Variants in NLGN4X observed in about 807,000 individuals in gnomAD.
The protein encoded by NLGN4X is neuroligin 4 X-linked.
Under a neutral mutation model 40.3 loss-of-function variants are expected in NLGN4X, and 3 were observed. The ratio of observed to expected loss-of-function variants is 0.07; its 90% CI spans 0.03 to 0.19. The LOEUF (loss-of-function observed/expected upper bound fraction) is 0.19, where lower values mean the gene tolerates loss of function less well. Among genes scored for constraint, NLGN4X ranks in the 10% least tolerant of loss-of-function variants. The pLI is 1.00. For missense variants in NLGN4X, 382 were observed against 708.3 expected (o/e 0.54, Z 5.23); for synonymous variants, 270 against 306.8 (o/e 0.88, Z 1.25).
At chrX:6,063,160 C>G (rs181287193) in intron 2 of NLGN4X, among the ~76,000 whole-genome samples, 38 of 111,811 alleles carry the variant, frequency 3.4e-4, no homozygotes, top group Non-Finnish European at 6.0e-4. Flanking sequence ...TTCTTCACAG[C>G]ACTCATCACC....
chrX:5,968,826 C>T (rs111259359), intron 3 of NLGN4X, among the ~76,000 whole-genome samples: 37 of 109,194 alleles, frequency 3.4e-4, no homozygotes, highest in African/African-American at 1.2e-3. Context: ...TGTTCAATGT[C>T]TCCCCCACCT....
intron 1 of NLGN4X, among the ~76,000 whole-genome samples, chrX:6,166,365 G>T (rs1444221422): frequency 9.0e-6 from 1 of 111,645 alleles, no homozygotes; most frequent in African/African-American, 3.3e-5. Context: ...CCAAATGCTG[G>T]TGTTTACAGG....
chrX:6,115,543 A>C (rs1001598570), intron 2 of NLGN4X, among the ~76,000 whole-genome samples: 1 of 111,893 alleles, frequency 8.9e-6, no homozygotes, highest in East Asian at 2.8e-4. Context: ...ACGAGAAGGT[A>C]AAGTTGGCAT....
intron 1 of NLGN4X, among the ~76,000 whole-genome samples, chrX:6,185,290 C>G (rs1347082316): frequency 8.9e-6 from 1 of 111,972 alleles, no homozygotes; most frequent in Non-Finnish European, 1.9e-5. Context: ...CCCATCACCC[C>G]ATGTCACACT....
At chrX:6,154,253 C>A (rs974488671) in intron 1 of NLGN4X, among the ~76,000 whole-genome samples, 3 of 111,937 alleles carry the variant, frequency 2.7e-5, no homozygotes, top group African/African-American at 9.7e-5. Flanking sequence ...TGGTTTAAGG[C>A]ATCAAGTATA....
intron 2 of NLGN4X, among the ~76,000 whole-genome samples, chrX:6,046,641 C>T (rs1173425431): frequency 9.0e-6 from 1 of 110,935 alleles, no homozygotes; most frequent in Non-Finnish European, 1.9e-5. Flanking sequence ...AAGATGATGG[C>T]ATTTTTGCTG....
intron 2 of NLGN4X, among the ~76,000 whole-genome samples, chrX:6,067,995 T>C (rs893408567): frequency 9.0e-5 from 10 of 111,438 alleles, no homozygotes; most frequent in African/African-American, 3.3e-4. Flanking sequence ...TTCTCTATAA[T>C]CCACGTGTTG....
At chrX:6,172,519 A>G (rs1277213357) in intron 1 of NLGN4X, among the ~76,000 whole-genome samples, 1 of 111,669 alleles carries the variant, frequency 9.0e-6, no homozygotes, top group African/African-American at 3.3e-5. Context: ...TAATTTGCCT[A>G]ATATGTCACA....
chrX:6,135,217 T>C (rs1454931038), intron 2 of NLGN4X, among the ~76,000 whole-genome samples: 2 of 111,618 alleles, frequency 1.8e-5, no homozygotes, highest in African/African-American at 6.5e-5. Flanking sequence ...ACTCCCAACA[T>C]AGAACTGCCT....
At chrX:5,988,982 C>T (rs1231205793) in intron 3 of NLGN4X, among the ~76,000 whole-genome samples, 3 of 109,849 alleles carry the variant, frequency 2.7e-5, no homozygotes, top group Non-Finnish European at 3.8e-5. Flanking sequence ...GCAGGAGAAT[C>T]GCTTGAACCT....
chrX:5,943,189 GA>G (rs2034006223), intron 3 of NLGN4X, among the ~76,000 whole-genome samples: 1 of 111,399 alleles, frequency 9.0e-6, no homozygotes, highest in Admixed American at 9.6e-5. Flanking sequence ...GAAGGGGGAG[GA>G]AGGAGGCCAG....
At chrX:6,019,363 T>A (rs2036475905) in intron 3 of NLGN4X, among the ~76,000 whole-genome samples, 1 of 112,048 alleles carries the variant, frequency 8.9e-6, no homozygotes, top group Admixed American at 9.5e-5. Flanking sequence ...TACATTTTTT[T>A]AAACTTTATG....
At chrX:6,133,968 A>G (rs1219917788) in intron 2 of NLGN4X, among the ~76,000 whole-genome samples, 1 of 111,669 alleles carries the variant, frequency 9.0e-6, no homozygotes, top group East Asian at 2.8e-4. Flanking sequence ...CAATACATAA[A>G]TAAAAGGGCT....
intron 3 of NLGN4X, among the ~76,000 whole-genome samples, chrX:6,024,800 C>T (rs1380098839): frequency 1.8e-5 from 2 of 111,601 alleles, no homozygotes; most frequent in Non-Finnish European, 3.8e-5. Context: ...CCAATAATTG[C>T]CACCCCTTTC....
intron 1 of NLGN4X, among the ~76,000 whole-genome samples, chrX:6,218,564 C>A (rs768538501): frequency 2.1e-4 from 23 of 110,352 alleles, no homozygotes; most frequent in Non-Finnish European, 4.0e-4. Context: ...ACCAGAGGTG[C>A]AAAATAACAT....
intron 3 of NLGN4X, among the ~76,000 whole-genome samples, chrX:6,027,998 GTA>G (rs1319318534): frequency 1.2e-4 from 13 of 109,812 alleles, no homozygotes; most frequent in African/African-American, 3.6e-4. Context: ...TGTATTTTTA[GTA>G]GAGACAGGGT....
chrX:5,987,105 T>A lies in NLGN4X; in HGVS notation c.625+42175A>T, dbSNP rs770950016. Among the ~76,000 whole-genome samples, 3 of 111,959 alleles carry A rather than the reference T, an allele frequency of 2.7e-5. No homozygotes were observed. In the East Asian group the frequency reaches 8.4e-4, roughly 31 times the overall value. ...TTAGGAATAAAATGGACATAGGGAC[T>A]GTGGTATGTTCAGACTTTAGAACAC... On this transcript the variant is annotated intron_variant, in intron 3 of 5. Transcript: ENST00000381095.
At chrX:5,960,259 CAAA>C (rs35197486) in intron 3 of NLGN4X, among the ~76,000 whole-genome samples, 1,652 of 91,891 alleles carry the variant, frequency 0.018, 34 homozygotes, top group African/African-American at 0.063. Context: ...GCCAATTTTG[CAAA>C]AAAAAAAAAA....
chrX:5,949,795 T>G (rs1921363), intron 3 of NLGN4X, among the ~76,000 whole-genome samples: 1 of 110,777 alleles, frequency 9.0e-6, no homozygotes, highest in Non-Finnish European at 1.9e-5. Flanking sequence ...ATGTCCTCAA[T>G]GAGGTTTGAT....
Sources: allele counts gnomAD v4.1 joint callset (sites outside exome capture counted in the v4.1 genomes callset), GRCh38; gene constraint gnomAD v4.1.1; transcripts MANE v1.5; gene names NCBI Gene and HGNC (gene_info 2026-07-23, HGNC 2026-07-21).